Variants in EML5 observed in about 807,000 individuals in gnomAD.
EML5 encodes EMAP like 5.
EML5 carries 120 observed loss-of-function variants against 250.0 expected under a neutral mutation model. The observed-to-expected ratio is 0.48, with a 90% confidence interval of 0.41 to 0.56. The LOEUF (loss-of-function observed/expected upper bound fraction) is 0.56. Among genes scored for constraint, EML5 ranks in the 20% least tolerant of loss-of-function variants. The pLI, the probability that EML5 is intolerant of heterozygous loss-of-function variation, is 0.00. For synonymous variants in EML5, 771 were observed against 806.5 expected (o/e 0.96, Z 0.75); for missense variants, 2,006 against 2,437.6 (o/e 0.82, Z 3.73).
chr14:88,662,701 C>T (rs1400932596), intron 24 of EML5, among the ~76,000 whole-genome samples: 3 of 151,914 alleles, frequency 2.0e-5, no homozygotes, highest in African/African-American at 7.2e-5. Context: ...TGCCACCATG[C>T]CCAGCTAATT....
intron 25 of EML5, among the ~76,000 whole-genome samples, chr14:88,659,413 T>C (rs2091995028): frequency 6.6e-6 from 1 of 152,162 alleles, no homozygotes; most frequent in Non-Finnish European, 1.5e-5. Flanking sequence ...GGTTTCACCA[T>C]GTTGACTAGG....
At chr14:88,790,862 T>C (rs1041070188) in intron 1 of EML5, among the ~76,000 whole-genome samples, 7 of 152,158 alleles carry the variant, frequency 4.6e-5, no homozygotes, top group Non-Finnish European at 8.8e-5. Flanking sequence ...GTTTTGTTTT[T>C]CCATCAGCAA....
chr14:88,672,238 G>A (rs1463185957), intron 21 of EML5, among the ~76,000 whole-genome samples: 1 of 152,064 alleles, frequency 6.6e-6, no homozygotes, highest in Non-Finnish European at 1.5e-5. Context: ...CCAAGATTAA[G>A]AAAATCATTT....
At chr14:88,739,946 CA>C in intron 5 of EML5, among the ~76,000 whole-genome samples, 1 of 152,206 alleles carries the variant, frequency 6.6e-6, no homozygotes, top group Non-Finnish European at 1.5e-5. Context: ...AAGGGGGACC[CA>C]AACTGCTAAA....
chr14:88,657,383 C>T lies in EML5; in HGVS notation c.3997G>A (p.Asp1333Asn). ...ACTAAACTAAATTATTACCTTTCAT[C>T]AATTGAGGGTTCTTTTTGTTGTAAA... ...PHLQQKEPSI[D>N]ERQGVVRGSR... Residue 1333 changes from aspartate to asparagine, a missense_variant, in exon 27 of 44, where the codon GAT (aspartate) becomes AAT (asparagine). Physicochemically the swap from Asp to Asn is conservative, Grantham distance 23 (BLOSUM62 1). Transcript: ENST00000554922. The T allele has an allele frequency of 6.4e-7, 1 of 1,569,076 alleles. No homozygotes were observed. Among genetic ancestry groups the T allele is most frequent in the Non-Finnish European group, 8.7e-7 (1 of 1,155,330 alleles).
intron 29 of EML5, among the ~76,000 whole-genome samples, chr14:88,646,181 A>ATAAAATATAC (rs2091338429): frequency 6.6e-6 from 1 of 152,174 alleles, no homozygotes; most frequent in Non-Finnish European, 1.5e-5. Flanking sequence ...AATTAAAGGC[A>ATAAAATATAC]TAAAATATAC....
In EML5 at chr14:88,622,940, ACT is replaced by A. The variant is rs1413539593; in HGVS notation, c.4899-224_4899-223del. The A allele has an allele frequency of 4.1e-4, 165 of 400,540 alleles. 1 individual carries two copies. In the East Asian group the frequency reaches 6.4e-3, roughly 16 times the overall value. 24.8% of individuals were successfully genotyped at this position (400,540 alleles called of 1,614,324 possible). On this transcript the variant is annotated intron_variant, in intron 36 of 43. Coordinates refer to ENST00000554922, the MANE Select transcript of EML5 (RefSeq NM_183387.3). ...TTCAGTGAATTTTATTTTGAGAAAT[ACT>A]CTTTTTTTCTGACATGAGCATAATT...
At chr14:88,771,032 A>G (rs1012567033) in intron 1 of EML5, among the ~76,000 whole-genome samples, 1 of 152,218 alleles carries the variant, frequency 6.6e-6, no homozygotes, top group African/African-American at 2.4e-5. Flanking sequence ...CATAACTATA[A>G]GGAAATAACA....
At chr14:88,660,221 T>C (rs1595412523) in intron 25 of EML5, among the ~76,000 whole-genome samples, 1 of 150,364 alleles carries the variant, frequency 6.7e-6, no homozygotes, top group South Asian at 2.1e-4. Flanking sequence ...AGGTCGATGC[T>C]GCAGTGAGCC....
At chr14:88,762,515 G>GA (rs1254901991) in intron 1 of EML5, among the ~76,000 whole-genome samples, 51 of 150,020 alleles carry the variant, frequency 3.4e-4, no homozygotes, top group East Asian at 2.0e-3. Flanking sequence ...CATCTCGGGG[G>GA]AAAAAAAAAG....
Position 88,789,195 on chromosome 14 carries a change from C to T in EML5, c.197+3112G>A, listed in dbSNP as rs577631207. On this transcript the variant is annotated intron_variant, in intron 1 of 43. Coordinates refer to ENST00000554922, the MANE Select transcript of EML5 (RefSeq NM_183387.3). ...CTTATTTTATAACTTAGTCTTAAAT[C>T]TAGACTAGAGATTTTTATAGATACA... 2.6e-5 allele frequency among the ~76,000 whole-genome samples: 4 copies of T among 151,864 alleles called. No homozygotes were observed. In the East Asian group the frequency reaches 7.7e-4, roughly 29 times the overall value.
intron 36 of EML5, chr14:88,624,084 TTTTG>T (rs1183530456): frequency 6.6e-6 from 1 of 152,300 alleles, no homozygotes; most frequent in Non-Finnish European, 1.5e-5. Context: ...TTGTTTTTGT[TTTTG>T]TTTTTTAAAT....
intron 8 of EML5, among the ~76,000 whole-genome samples, chr14:88,720,512 T>C (rs1367402791): frequency 4.6e-5 from 7 of 151,696 alleles, no homozygotes; most frequent in Non-Finnish European, 1.0e-4. Flanking sequence ...TCACATAAGA[T>C]CTAAAAACAA....
At chr14:88,665,744 T>C (rs2092289191) in intron 21 of EML5, among the ~76,000 whole-genome samples, 1 of 151,808 alleles carries the variant, frequency 6.6e-6, no homozygotes, top group Non-Finnish European at 1.5e-5. Flanking sequence ...GGAAGACAGG[T>C]AAGTAAGTAA....
intron 27 of EML5, among the ~76,000 whole-genome samples, chr14:88,651,832 A>G (rs1205342378): frequency 6.6e-6 from 1 of 152,168 alleles, no homozygotes; most frequent in African/African-American, 2.4e-5. Flanking sequence ...CTCCTCAGTT[A>G]ACTTTCATTT....
At chr14:88,783,840 C>A (rs973059101) in intron 1 of EML5, among the ~76,000 whole-genome samples, 3 of 152,180 alleles carry the variant, frequency 2.0e-5, no homozygotes, top group Admixed American at 2.0e-4. Context: ...AATATTTCAT[C>A]CAATGGCTAC....
At position 88,640,234 on chromosome 14, in the gene EML5, A is replaced by G. The variant is rs965242500; in HGVS notation, c.4238-1327T>C. On this transcript the variant is annotated intron_variant, in intron 31 of 43. Transcript: ENST00000554922. ...ACATAACAGAAAGAACACTCTGCCC[A>G]TCAACCATAGAATATACATTCTTCT... 2.0e-5 allele frequency among the ~76,000 whole-genome samples: 3 copies of G among 152,314 alleles called. No homozygotes were observed. In the South Asian group the frequency reaches 6.2e-4, roughly 32 times the overall value.
chr14:88,734,285 C>G (rs1327870926), intron 7 of EML5, among the ~76,000 whole-genome samples: 3 of 151,990 alleles, frequency 2.0e-5, no homozygotes, highest in Non-Finnish European at 4.4e-5. Flanking sequence ...AAGAAATTCT[C>G]TTTATAGAAA....
intron 19 of EML5, among the ~76,000 whole-genome samples, chr14:88,687,003 T>G (rs1294267040): frequency 6.6e-6 from 1 of 152,216 alleles, no homozygotes; most frequent in Non-Finnish European, 1.5e-5. Context: ...AATCTTGTAT[T>G]TCACTAATAT....
Sources: allele counts gnomAD v4.1 joint callset (sites outside exome capture counted in the v4.1 genomes callset), GRCh38; gene constraint gnomAD v4.1.1; transcripts MANE v1.5; gene names NCBI Gene and HGNC (gene_info 2026-07-23, HGNC 2026-07-21).